TSPEAR: variants seen among roughly 807,000 people sequenced by gnomAD.
TSPEAR encodes the protein thrombospondin type laminin G domain and EAR repeats.
A neutral mutation model predicts 71.6 loss-of-function variants in TSPEAR; 69 were observed. The ratio of observed to expected loss-of-function variants is 0.96; its 90% confidence interval spans 0.79 to 1.18. TSPEAR has a LOEUF of 1.18. Ranked by LOEUF, TSPEAR falls within the 50% of genes most tolerant of loss-of-function variation. The pLI is 0.00. For missense variants in TSPEAR, 971 were observed against 894.9 expected (o/e 1.09, Z -1.09); for synonymous variants, 402 against 387.2 (o/e 1.04, Z -0.45).
At chr21:44,575,029 G>A in intron 1 of TSPEAR, 1 of 1,586,814 alleles carries the variant, frequency 6.3e-7, no homozygotes, top group Non-Finnish European at 8.6e-7. Flanking sequence ...AGCTGCTGAT[G>A]GACACGCCCC....
chr21:44,516,655 CA>C (rs1314863060), intron 9 of TSPEAR: 1 of 152,224 alleles, frequency 6.6e-6, no homozygotes, highest in Admixed American at 6.5e-5. Flanking sequence ...CCCCCAGAGC[CA>C]GGGGCCGGGC....
intron 6 of TSPEAR, among the ~76,000 whole-genome samples, 158 bp from the exon 7 acceptor site, chr21:44,527,676 G>T (rs2052885584): frequency 6.6e-6 from 1 of 152,254 alleles, no homozygotes; most frequent in Admixed American, 6.5e-5. Flanking sequence ...CACAGGAAAG[G>T]CCTGTCAAAG....
At chr21:44,604,351 C>T (rs910121801) in intron 1 of TSPEAR, among the ~76,000 whole-genome samples, 12 of 151,852 alleles carry the variant, frequency 7.9e-5, no homozygotes, top group Admixed American at 4.6e-4. Flanking sequence ...TAAAAAGAAA[C>T]GAATAAAAGA....
rs201036308 is a variant in TSPEAR, at chr21:44,591,797, C to T, written c.83-23792G>A. 381 of 1,585,570 alleles carry T rather than the reference C, an allele frequency of 2.4e-4. 4 individuals carry two copies. Among genetic ancestry groups the T allele is most frequent in the Admixed American group, 4.1e-4 (24 of 58,204 alleles). Reference sequence around the variant, plus strand: ...CACACAGGCACGCAGCAGACGGGCACGCAGCAGGCCTGCTGGCAGGGGGAG... The same window carrying T: ...CACACAGGCACGCAGCAGACGGGCATGCAGCAGGCCTGCTGGCAGGGGGAG... On this transcript the variant is annotated intron_variant, in intron 1 of 11. Coordinates refer to ENST00000323084, the MANE Select transcript of TSPEAR (RefSeq NM_144991.3).
At chr21:44,702,841 C>T (rs1003159772) in intron 1 of TSPEAR, 3 of 947,634 alleles carry the variant, frequency 3.2e-6, no homozygotes, top group Non-Finnish European at 4.9e-6. Flanking sequence ...CAGGTTCCCC[C>T]CAACCTCTCC....
intron 2 of TSPEAR, among the ~76,000 whole-genome samples, chr21:44,563,203 C>T (rs2053661234): frequency 6.6e-6 from 1 of 152,124 alleles, no homozygotes; most frequent in Admixed American, 6.5e-5. Flanking sequence ...GCTAATATAA[C>T]AAATGATATA....
At chr21:44,637,581 CG>C (rs1983687590) in intron 1 of TSPEAR, 1 of 1,613,744 alleles carries the variant, frequency 6.2e-7, no homozygotes, top group Admixed American at 1.7e-5. Context: ...TGCTGCCAGA[CG>C]GCCTGTGAGC....
At chr21:44,677,024 G>GCTGT in intron 1 of TSPEAR, 1 of 870,320 alleles carries the variant, frequency 1.1e-6, no homozygotes, top group East Asian at 2.5e-5. Context: ...ATACTGTCCA[G>GCTGT]CTGTCGTTTA....
At chr21:44,675,381 A>G (rs1555946725) in intron 1 of TSPEAR, among the ~76,000 whole-genome samples, 1 of 152,234 alleles carries the variant, frequency 6.6e-6, no homozygotes, top group East Asian at 1.9e-4. Context: ...AATATCCTTC[A>G]TGATAAAAAC....
intron 2 of TSPEAR, chr21:44,557,952 C>T: frequency 1.4e-6 from 2 of 1,385,478 alleles, no homozygotes; most frequent in Non-Finnish European, 2.0e-6. Flanking sequence ...GGTGCAGTGG[C>T]TATGGGCAGA....
At chr21:44,658,021 C>T in intron 1 of TSPEAR, 1 of 1,613,980 alleles carries the variant, frequency 6.2e-7, no homozygotes, top group Non-Finnish European at 8.5e-7. Context: ...AGCCAACCTG[C>T]TGCATACACA....
chr21:44,702,665 C>T (rs1247747179), intron 1 of TSPEAR: 19 of 1,570,166 alleles, frequency 1.2e-5, no homozygotes, highest in African/African-American at 2.7e-5. Context: ...ATGCCCGTCC[C>T]CTCCTGTTGT....
intron 2 of TSPEAR, among the ~76,000 whole-genome samples, chr21:44,563,820 T>C (rs2053670346): frequency 6.6e-6 from 1 of 152,214 alleles, no homozygotes; most frequent in Admixed American, 6.5e-5. Flanking sequence ...TCGAGTGTTA[T>C]ATATGTTTAA....
At chr21:44,666,006 C>T (rs1230352365) in intron 1 of TSPEAR, among the ~76,000 whole-genome samples, 1 of 152,166 alleles carries the variant, frequency 6.6e-6, no homozygotes, top group Non-Finnish European at 1.5e-5. Flanking sequence ...GCACCTGGGC[C>T]CCAGGAGCCC....
intron 9 of TSPEAR, chr21:44,517,933 A>G (rs2052631648): frequency 4.3e-6 from 2 of 462,102 alleles, no homozygotes; most frequent in African/African-American, 2.0e-5. Flanking sequence ...CAATTCCATC[A>G]CTGTCCTCAC....
chr21:44,557,930 T>C (rs2146047107), intron 2 of TSPEAR: 2 of 1,190,764 alleles, frequency 1.7e-6, no homozygotes, highest in Middle Eastern at 2.4e-4. Flanking sequence ...AAGCTCAGCA[T>C]TGCTGGCTGG....
intron 1 of TSPEAR, among the ~76,000 whole-genome samples, chr21:44,610,491 C>T (rs1981591435): frequency 6.6e-6 from 1 of 152,230 alleles, no homozygotes; most frequent in Non-Finnish European, 1.5e-5. Context: ...GGAACCTCCG[C>T]CTAGATTTCA....
chr21:44,534,314 C>T (rs587746573), intron 2 of TSPEAR, among the ~76,000 whole-genome samples: 3 of 24,224 alleles, frequency 1.2e-4, no homozygotes, highest in South Asian at 2.5e-3. Flanking sequence ...GTGTGTGGGG[C>T]AGGGCTGGTG....
chr21:44,624,182 T>C (rs1394615218), intron 1 of TSPEAR, among the ~76,000 whole-genome samples: 1 of 152,242 alleles, frequency 6.6e-6, no homozygotes, highest in Non-Finnish European at 1.5e-5. Context: ...TTGTCTAATA[T>C]GTTGTCTAGC....
Sources: gnomAD v4.1 joint callset for allele counts (sites outside exome capture counted in the v4.1 genomes callset) on GRCh38, gnomAD v4.1.1 for gene constraint, MANE v1.5 for transcripts, NCBI Gene and HGNC (gene_info 2026-07-23, HGNC 2026-07-21) for gene names.